KIF26B: variants seen among roughly 807,000 people sequenced by gnomAD.
KIF26B encodes kinesin-like protein KIF26B.
A neutral mutation model predicts 151.2 loss-of-function variants in KIF26B; 63 were observed. The ratio of observed to expected loss-of-function variants is 0.42; its 90% CI spans 0.34 to 0.51. KIF26B has a LOEUF of 0.51. Ranked by LOEUF, KIF26B falls within the 20% of genes least tolerant of loss-of-function variation. The pLI is 0.07. For missense variants in KIF26B, 2,813 were observed against 2,913.6 expected, an observed-to-expected ratio of 0.97 and a Z score of 0.79; for synonymous variants, 1,357 against 1,262.1, an observed-to-expected ratio of 1.08 and a Z score of -1.59.
intron 3 of KIF26B, among the ~76,000 whole-genome samples, chr1:245,380,558 C>G (rs1673382801): frequency 6.6e-6 from 1 of 152,182 alleles, no homozygotes; most frequent in Admixed American, 6.5e-5. Context: ...GACTAGAAGG[C>G]AGCCCTCAAG....
chr1:245,648,971 T>G (rs1170194564), intron 10 of KIF26B, among the ~76,000 whole-genome samples: 1 of 152,174 alleles, frequency 6.6e-6, no homozygotes, highest in Non-Finnish European at 1.5e-5. Context: ...TGCCCTGCCC[T>G]GCCTAACACA....
intron 10 of KIF26B, among the ~76,000 whole-genome samples, chr1:245,668,701 C>CTTTTCTTTTTTT (rs1553302543): frequency 3.8e-4 from 58 of 151,114 alleles, no homozygotes; most frequent in African/African-American, 1.4e-3. Flanking sequence ...CTTTTCTTTT[C>CTTTTCTTTTTTT]TTTTTTTGAG....
intron 4 of KIF26B, among the ~76,000 whole-genome samples, chr1:245,514,355 C>T (rs1339441655): frequency 6.6e-6 from 1 of 151,954 alleles, no homozygotes; most frequent in Non-Finnish European, 1.5e-5. Flanking sequence ...GGCAAAACCC[C>T]GTCTCTACTA....
intron 2 of KIF26B, among the ~76,000 whole-genome samples, chr1:245,365,365 TATTAATCA>T (rs1672920726): frequency 6.6e-6 from 1 of 152,222 alleles, no homozygotes; most frequent in African/African-American, 2.4e-5. Context: ...CCTCTTGATT[TATTAATCA>T]ATTAATCAGT....
chr1:245,669,198 T>C (rs188424484), intron 10 of KIF26B, among the ~76,000 whole-genome samples: 56 of 152,306 alleles, frequency 3.7e-4, no homozygotes, highest in African/African-American at 1.3e-3. Flanking sequence ...ATTGGACAAG[T>C]ATCTTTAACA....
chr1:245,454,612 AT>A (rs1364798368), intron 4 of KIF26B, among the ~76,000 whole-genome samples: 1 of 152,164 alleles, frequency 6.6e-6, no homozygotes, highest in Non-Finnish European at 1.5e-5. Flanking sequence ...CATACAATGC[AT>A]TTGAAAGCAC....
chr1:245,258,561 C>G (rs12037184), intron 2 of KIF26B, among the ~76,000 whole-genome samples: 1 of 152,166 alleles, frequency 6.6e-6, no homozygotes. Context: ...AAAATAGAGA[C>G]TAAAATGAAA....
intron 3 of KIF26B, among the ~76,000 whole-genome samples, chr1:245,368,883 C>T (rs1010647467): frequency 6.6e-6 from 1 of 152,060 alleles, no homozygotes; most frequent in African/African-American, 2.4e-5. Context: ...ACTTGTAATC[C>T]CAGCACTGTG....
chr1:245,450,964 TG>T (rs1264260713), intron 4 of KIF26B, among the ~76,000 whole-genome samples: 1 of 152,230 alleles, frequency 6.6e-6, no homozygotes, highest in African/African-American at 2.4e-5. Flanking sequence ...TCAACTGCTT[TG>T]GGGTGTGTCT....
rs989724456 is a variant in KIF26B, at chr1:245,224,741, A to G, written c.465+68058A>G. Among the ~76,000 whole-genome samples the G allele has an allele frequency of 1.5e-4, 23 of 152,246 alleles. 1 individual carries two copies. Among genetic ancestry groups the G allele is most frequent in the Admixed American group, 9.2e-4 (14 of 15,282 alleles). On this transcript the variant is annotated intron_variant, in intron 2 of 14. Coordinates refer to ENST00000407071, the MANE Select transcript of KIF26B (RefSeq NM_018012.4). ...TCACTGAATAATTATTTTCTAAATG[A>G]CCTGTGTAGGATATTATACAGTTAT...
At chr1:245,588,161 G>T (rs892384590) in intron 5 of KIF26B, among the ~76,000 whole-genome samples, 1 of 152,120 alleles carries the variant, frequency 6.6e-6, no homozygotes, top group East Asian at 1.9e-4. Context: ...GAGGCTTTTT[G>T]TTTAATGCTT....
chr1:245,155,909 C>T (rs182392450), intron 1 of KIF26B, among the ~76,000 whole-genome samples: 1 of 152,180 alleles, frequency 6.6e-6, no homozygotes, highest in African/African-American at 2.4e-5. Context: ...CCTACCCCCC[C>T]CATAGGGTCT....
chr1:245,591,532 G>T (rs769607915), intron 5 of KIF26B, among the ~76,000 whole-genome samples: 1 of 152,156 alleles, frequency 6.6e-6, no homozygotes, highest in African/African-American at 2.4e-5. Context: ...AACCCAGGCC[G>T]CCTGTCTCCA....
intron 5 of KIF26B, among the ~76,000 whole-genome samples, chr1:245,582,717 T>C (rs1375271669): frequency 6.6e-6 from 1 of 152,192 alleles, no homozygotes; most frequent in Non-Finnish European, 1.5e-5. Context: ...TGGGTTTCAA[T>C]CCCATTTCTG....
chr1:245,613,467 G>A (rs2043550262), intron 9 of KIF26B, among the ~76,000 whole-genome samples: 1 of 152,184 alleles, frequency 6.6e-6, no homozygotes, highest in Admixed American at 6.5e-5. Context: ...GCTGGGCGTG[G>A]TGGCACACAC....
intron 4 of KIF26B, among the ~76,000 whole-genome samples, chr1:245,502,194 C>T (rs1660635758): frequency 1.3e-5 from 2 of 152,220 alleles, no homozygotes; most frequent in African/African-American, 2.4e-5. Flanking sequence ...TTTGTTACAT[C>T]TTTTTGAGAA....
At chr1:245,253,449 TG>T (rs1335203678) in intron 2 of KIF26B, among the ~76,000 whole-genome samples, 5 of 152,228 alleles carry the variant, frequency 3.3e-5, no homozygotes, top group Non-Finnish European at 7.3e-5. Flanking sequence ...ACATTTCATT[TG>T]GAAGTTTCAC....
At chr1:245,327,318 A>C (rs758977157) in intron 2 of KIF26B, among the ~76,000 whole-genome samples, 10 of 152,220 alleles carry the variant, frequency 6.6e-5, no homozygotes, top group Non-Finnish European at 1.5e-4. Flanking sequence ...TTGAATCAAA[A>C]AGACTTCCCT....
At chr1:245,223,553 T>G (rs4078378) in intron 2 of KIF26B, among the ~76,000 whole-genome samples, 26,766 of 152,182 alleles carry the variant, frequency 0.18, 3,000 homozygotes, top group Non-Finnish European at 0.25. Flanking sequence ...TTCTATTTTT[T>G]TTCCACCATA....
Sources: gnomAD v4.1 joint callset for allele counts (sites outside exome capture counted in the v4.1 genomes callset) on GRCh38, gnomAD v4.1.1 for gene constraint, MANE v1.5 for transcripts, NCBI Gene and HGNC (gene_info 2026-07-23, HGNC 2026-07-21) for gene names.